The following GRM8 variants were observed in gnomAD, a reference collection of about 807,000 sequenced individuals.
GRM8 encodes the protein glutamate metabotropic receptor 8, also known as metabotropic glutamate receptor 8.
In GRM8, 47 loss-of-function variants were observed where a neutral mutation model predicts 87.2. The ratio of observed to expected loss-of-function variants is 0.54; its 90% CI spans 0.43 to 0.69. The LOEUF (loss-of-function observed/expected upper bound fraction) is 0.69. Among genes scored for constraint, GRM8 ranks in the 30% least tolerant of loss-of-function variants. The pLI is 0.00. For missense variants in GRM8, 1,019 were observed against 1,139.2 expected, an observed-to-expected ratio of 0.89 and a Z score of 1.52; for synonymous variants, 396 against 404.5, an observed-to-expected ratio of 0.98 and a Z score of 0.25.
intron 6 of GRM8, among the ~76,000 whole-genome samples, chr7:126,839,179 A>G (rs1388759398): frequency 6.6e-6 from 1 of 152,178 alleles, no homozygotes; most frequent in Admixed American, 6.5e-5. Flanking sequence ...AACTGTAGAA[A>G]GTAGGGGCAT....
intron 9 of GRM8, among the ~76,000 whole-genome samples, chr7:126,498,618 T>C (rs1809144735): frequency 6.6e-6 from 1 of 151,944 alleles, no homozygotes; most frequent in Non-Finnish European, 1.5e-5. Flanking sequence ...CTGTTGGCTG[T>C]CTCTATTGCT....
In GRM8 at chr7:126,661,036, G is replaced by A. The variant is rs529382949; in HGVS notation, c.1358-51538C>T. On this transcript the variant is annotated intron_variant, in intron 7 of 10. Transcript: ENST00000339582. ...AAGAGAGATGGCATGGAGAGGAGGT[G>A]GGGATGGTTAATGGGTTAAAAAAAT... 1.6e-4 allele frequency among the ~76,000 whole-genome samples: 25 copies of A among 152,240 alleles called. No individual in the cohort carries two copies. In the South Asian group the frequency reaches 5.2e-3, roughly 32 times the overall value.
At chr7:127,216,617 C>T (rs1796569545) in intron 2 of GRM8, among the ~76,000 whole-genome samples, 2 of 151,918 alleles carry the variant, frequency 1.3e-5, no homozygotes, top group Non-Finnish European at 1.5e-5. Flanking sequence ...ATGCCATTTC[C>T]CTGTTGAAGC....
At chr7:127,038,327 A>G (rs1818039928) in intron 3 of GRM8, among the ~76,000 whole-genome samples, 1 of 152,342 alleles carries the variant, frequency 6.6e-6, no homozygotes, top group East Asian at 1.9e-4. Context: ...TACAGTACAC[A>G]TGATTTATAG....
rs74772992 is a variant in GRM8, at chr7:126,693,977, A to AT, written c.1357+75887dup. Among the ~76,000 whole-genome samples the AT allele has an allele frequency of 0.024, 3,645 of 152,056 alleles. 316 individuals are homozygous for AT. In the East Asian group the frequency reaches 0.29, roughly 12 times the overall value. ...GCCCTTTGTAAATTGCTATTTTAAG[A>AT]TTTTTTAAGATAGGTCATTAGAAAT... is the stretch of plus-strand genomic sequence containing the variant. On this transcript the variant is annotated intron_variant, in intron 7 of 10. Transcript: ENST00000339582.
intron 8 of GRM8, among the ~76,000 whole-genome samples, chr7:126,535,022 G>A (rs939957619): frequency 6.6e-6 from 1 of 152,058 alleles, no homozygotes; most frequent in African/African-American, 2.4e-5. Context: ...GAAATAGAGG[G>A]TACTCAAGAG....
Position 126,533,094 on chromosome 7 carries a change from C to T in GRM8, c.2288G>A (p.Cys763Tyr), listed in dbSNP as rs1237114599. 6.2e-7 allele frequency: 1 copy of T among 1,613,232 alleles called. No homozygotes were observed. Among genetic ancestry groups the T allele is most frequent in the African/African-American group, 1.3e-5 (1 of 74,724 alleles). ...LGYSILLMVTCTVYAIKTRGV... is the reference protein window; with the variant it reads ...LGYSILLMVTYTVYAIKTRGV... Reference sequence around the variant, plus strand: ...TCTCGTTTTAATGGCATAAACAGTACAAGTGACCATCAAGAGGATACTGTA... The same window carrying T: ...TCTCGTTTTAATGGCATAAACAGTATAAGTGACCATCAAGAGGATACTGTA... The change falls in exon 9 of 11, where the codon TGT (cysteine) becomes TAT (tyrosine). Residue 763 changes from cysteine (C) to tyrosine (Y), a missense_variant. Cys to Tyr is a radical substitution (Grantham distance 194). Transcript: ENST00000339582.
intron 6 of GRM8, among the ~76,000 whole-genome samples, chr7:126,771,112 T>C (rs1478258293): frequency 1.3e-5 from 2 of 152,106 alleles, no homozygotes; most frequent in East Asian, 3.9e-4. Flanking sequence ...TTTTAAACTT[T>C]CCATGGATGT....
chr7:127,080,164 C>G (rs1822707142), intron 3 of GRM8, among the ~76,000 whole-genome samples: 2 of 152,008 alleles, frequency 1.3e-5, no homozygotes, highest in South Asian at 4.1e-4. Context: ...AAGGGGGAGG[C>G]AGAGGAGTCA....
At position 127,211,914 on chromosome 7, in the gene GRM8, G is replaced by C. The variant is rs1382491149; in HGVS notation, c.510+30781C>G. Among the ~76,000 whole-genome samples the C allele has an allele frequency of 2.0e-5, 3 of 152,154 alleles. No homozygotes were observed. In the East Asian group the frequency reaches 5.8e-4, roughly 29 times the overall value. The stretch of plus-strand genomic sequence containing the variant: ...CAGACTAACACAACCCTATACTTCA[G>C]TATTTGGGATAATTGGATTAAACTA... On this transcript the variant is annotated intron_variant, in intron 2 of 10. Coordinates refer to ENST00000339582, the MANE Select transcript of GRM8 (RefSeq NM_000845.3).
At chr7:126,471,907 G>A (rs371790836) in intron 9 of GRM8, among the ~76,000 whole-genome samples, 24 of 152,032 alleles carry the variant, frequency 1.6e-4, no homozygotes, top group South Asian at 4.1e-4. Context: ...GGTCCTTCAC[G>A]TCCCTTGTGA....
chr7:127,198,234 T>C (rs1312419587), intron 2 of GRM8, among the ~76,000 whole-genome samples: 1 of 152,220 alleles, frequency 6.6e-6, no homozygotes, highest in Non-Finnish European at 1.5e-5. Flanking sequence ...CTTTTAGCTA[T>C]TTTTAAATTA....
intron 7 of GRM8, among the ~76,000 whole-genome samples, chr7:126,673,843 C>T (rs1335153418): frequency 1.3e-5 from 2 of 152,138 alleles, no homozygotes; most frequent in East Asian, 3.8e-4. Flanking sequence ...CTTTCCAACT[C>T]AGCGTCTTTA....
At chr7:126,645,299 AT>A (rs774673659) in intron 7 of GRM8, among the ~76,000 whole-genome samples, 1 of 152,218 alleles carries the variant, frequency 6.6e-6, no homozygotes, top group Non-Finnish European at 1.5e-5. Flanking sequence ...AGATAACATC[AT>A]TATTGTAGAA....
chr7:126,450,949 A>G (rs949378711), intron 9 of GRM8, among the ~76,000 whole-genome samples: 2 of 151,844 alleles, frequency 1.3e-5, no homozygotes, highest in South Asian at 2.1e-4. Context: ...GACAAGCTTC[A>G]TGGGTGTGCA....
At chr7:126,474,425 T>C (rs1390207369) in intron 9 of GRM8, among the ~76,000 whole-genome samples, 2 of 152,128 alleles carry the variant, frequency 1.3e-5, no homozygotes, top group Non-Finnish European at 2.9e-5. Context: ...TAGGCCACCA[T>C]GCCTGCCTAA....
chr7:126,536,708 A>C (rs936306028), intron 8 of GRM8, among the ~76,000 whole-genome samples: 1 of 151,824 alleles, frequency 6.6e-6, no homozygotes, highest in Admixed American at 6.6e-5. Context: ...TTTACAACCT[A>C]AGGGACTCAT....
chr7:126,652,331 A>T (rs1017619053), intron 7 of GRM8, among the ~76,000 whole-genome samples: 1 of 152,128 alleles, frequency 6.6e-6, no homozygotes, highest in Non-Finnish European at 1.5e-5. Context: ...GTGATCTCAG[A>T]TGCGTATGGG....
At chr7:127,103,389 G>GTT (rs1161601174) in intron 3 of GRM8, among the ~76,000 whole-genome samples, 1 of 152,120 alleles carries the variant, frequency 6.6e-6, no homozygotes, top group African/African-American at 2.4e-5. Flanking sequence ...CACAAAATCT[G>GTT]TTCATTTAAA....
Sources: gnomAD v4.1 joint callset for allele counts (sites outside exome capture counted in the v4.1 genomes callset) on GRCh38, gnomAD v4.1.1 for gene constraint, MANE v1.5 for transcripts, NCBI Gene and HGNC (gene_info 2026-07-23, HGNC 2026-07-21) for gene names.